The following ANK1 variants were observed in gnomAD, a reference collection of about 807,000 sequenced individuals.
ANK1 encodes ankyrin 1, also known as ankyrin-1.
A neutral mutation model predicts 210.4 loss-of-function variants in ANK1; 51 were observed. The ratio of observed to expected loss-of-function variants is 0.24; its 90% confidence interval spans 0.19 to 0.31. The LOEUF (loss-of-function observed/expected upper bound fraction) is 0.31, where lower values mean the gene tolerates loss of function less well. Among genes scored for constraint, ANK1 ranks in the 10% least tolerant of loss-of-function variants. The pLI is 1.00. For missense variants in ANK1, 2,051 were observed against 2,504.4 expected, an observed-to-expected ratio of 0.82 and a Z score of 3.86; for synonymous variants, 967 against 1,025.9, an observed-to-expected ratio of 0.94 and a Z score of 1.10.
chr8:41,870,529 T>C (rs1815269959), intron 1 of ANK1, among the ~76,000 whole-genome samples: 1 of 152,156 alleles, frequency 6.6e-6, no homozygotes, highest in South Asian at 2.1e-4. Context: ...TCAAGGGGAC[T>C]CTCTAAGCTC....
At position 41,668,200 on chromosome 8, in the gene ANK1, C is replaced by G. The variant is rs1585883332; in HGVS notation, c.5394+67G>C. 4.4e-6 allele frequency: 7 copies of G among 1,608,118 alleles called. No homozygotes were observed. In the East Asian group the frequency reaches 1.6e-4, roughly 36 times the overall value. On this transcript the variant is annotated intron_variant, in intron 39 of 42. Transcript: ENST00000289734. ...AGGGCTTGAGTGCCTGAGAGGCAGC[C>G]CTGGAGTCCCGGCCCCTTCCGATGC...
chr8:41,731,160 G>C (rs192616304), intron 3 of ANK1, among the ~76,000 whole-genome samples: 24 of 152,334 alleles, frequency 1.6e-4, no homozygotes, highest in Non-Finnish European at 2.8e-4. Context: ...AAGGCCCCTG[G>C]CCTAAGTTGT....
At chr8:41,789,428 G>A (rs1847143984) in intron 1 of ANK1, 2 of 152,268 alleles carry the variant, frequency 1.3e-5, no homozygotes, top group Admixed American at 6.5e-5. Context: ...GGAGATGCGG[G>A]GAGGGCACAT....
At chr8:41,699,418 C>T (rs913881074) in intron 23 of ANK1, 34 bp downstream of exon 23, 1 of 1,600,846 alleles carries the variant, frequency 6.2e-7, no homozygotes, top group Non-Finnish European at 8.6e-7. Flanking sequence ...TGCATCTCGG[C>T]ACCCCCGGGG....
At chr8:41,863,290 CAG>C (rs942073412) in intron 1 of ANK1, among the ~76,000 whole-genome samples, 11 of 149,996 alleles carry the variant, frequency 7.3e-5, no homozygotes, top group African/African-American at 2.7e-4. Context: ...ACCCAGGAGG[CAG>C]AGTTTGCAGT....
chr8:41,672,540 A>G lies in ANK1; in HGVS notation c.4910T>C (p.Leu1637Ser). Residue 1637 changes from leucine to serine, a missense_variant, in exon 38 of 43, where the codon TTG (leucine) becomes TCG (serine). Coordinates refer to ENST00000289734, the MANE Select transcript of ANK1 (RefSeq NM_000037.4). The part of the protein sequence containing the change: ...DSDATNGLID[L>S]LEQEEGQRSE... ...CCTCTGACCTTCCTCCTGTTCAAGC[A>G]AATCGATAAGGCCATTTGTGGCATC... The G allele has an allele frequency of 6.2e-7, 1 of 1,614,230 alleles. No individual in the cohort carries two copies. The highest frequency in any genetic ancestry group is 8.5e-7 in the Non-Finnish European group (1 of 1,180,036).
chr8:41,698,630 C>T (rs1821776930), intron 23 of ANK1, among the ~76,000 whole-genome samples: 1 of 152,098 alleles, frequency 6.6e-6, no homozygotes, highest in African/African-American at 2.4e-5. Context: ...TACACTGTGC[C>T]CCACAGTGAG....
chr8:41,799,514 C>T (rs748940249), upstream of ANK1, among the ~76,000 whole-genome samples: 6 of 152,324 alleles, frequency 3.9e-5, no homozygotes, highest in South Asian at 2.1e-4. Context: ...GGAGTTCCCA[C>T]ACTCAGAAGA....
intron 1 of ANK1, among the ~76,000 whole-genome samples, chr8:41,759,079 G>A (rs971037643): frequency 6.6e-6 from 1 of 151,978 alleles, no homozygotes; most frequent in Non-Finnish European, 1.5e-5. Context: ...CAAGTAAACA[G>A]CACATAGCAC....
chr8:41,668,727 C>A (rs950175016), intron 38 of ANK1, among the ~76,000 whole-genome samples, 163 bp from the exon 39 acceptor site: 2 of 152,180 alleles, frequency 1.3e-5, no homozygotes, highest in Admixed American at 1.3e-4. Flanking sequence ...GGCGCATGAG[C>A]ACATTGCTCA....
chr8:41,814,167 C>T (rs1294510060), intron 1 of ANK1, among the ~76,000 whole-genome samples: 3 of 152,178 alleles, frequency 2.0e-5, no homozygotes, highest in Non-Finnish European at 4.4e-5. Context: ...CAAGACCAGC[C>T]TGGCCAACAT....
At chr8:41,713,075 A>G (rs1826611408) in intron 16 of ANK1, among the ~76,000 whole-genome samples, 1 of 152,236 alleles carries the variant, frequency 6.6e-6, no homozygotes, top group South Asian at 2.1e-4. Context: ...GAAGCCCTGC[A>G]CTGGCACTGA....
intron 1 of ANK1, among the ~76,000 whole-genome samples, chr8:41,796,301 A>G (rs1164652713): frequency 6.6e-6 from 1 of 152,054 alleles, no homozygotes; most frequent in African/African-American, 2.4e-5. Context: ...TCCATCGGCC[A>G]TTCCTTATTC....
chr8:41,828,691 GA>G (rs1563859776), intron 1 of ANK1: 1 of 153,698 alleles, frequency 6.5e-6, no homozygotes, highest in East Asian at 1.9e-4. Context: ...CCGGGCTGGA[GA>G]GGGGGCGCTC....
intron 2 of ANK1, among the ~76,000 whole-genome samples, chr8:41,743,809 CAT>C (rs72065624): frequency 0.24 from 35,776 of 151,098 alleles, 4,779 homozygotes; most frequent in South Asian, 0.29. Context: ...ATTGATTCTT[CAT>C]ATATATATAT....
At chr8:41,725,121 G>A (rs531189086) in intron 6 of ANK1, among the ~76,000 whole-genome samples, 1 of 152,276 alleles carries the variant, frequency 6.6e-6, no homozygotes, top group East Asian at 1.9e-4. Flanking sequence ...CTCAACCTCC[G>A]TCCATTGTCA....
intron 2 of ANK1, among the ~76,000 whole-genome samples, chr8:41,743,171 GC>G (rs929996075): frequency 6.6e-6 from 1 of 152,106 alleles, no homozygotes; most frequent in African/African-American, 2.4e-5. Flanking sequence ...GGAGAGAAGA[GC>G]CTAAACTGGG....
chr8:41,864,094 C>T (rs1228455321), intron 1 of ANK1, among the ~76,000 whole-genome samples: 1 of 151,828 alleles, frequency 6.6e-6, no homozygotes, highest in East Asian at 1.9e-4. Flanking sequence ...ACTAAAAATA[C>T]AAAAAATTAG....
chr8:41,775,525 G>A (rs1378301902), intron 1 of ANK1, among the ~76,000 whole-genome samples: 2 of 152,332 alleles, frequency 1.3e-5, no homozygotes, highest in East Asian at 3.9e-4. Context: ...ATTCACCGCA[G>A]AGACAATGAG....
Sources: allele counts gnomAD v4.1 joint callset (sites outside exome capture counted in the v4.1 genomes callset), GRCh38; gene constraint gnomAD v4.1.1; transcripts MANE v1.5; gene names NCBI Gene and HGNC (gene_info 2026-07-23, HGNC 2026-07-21).